CLMN: variants seen among roughly 807,000 people sequenced by gnomAD.
CLMN encodes the protein calmin (calponin-like, transmembrane).
A neutral mutation model predicts 92.7 loss-of-function variants in CLMN; 57 were observed. That is an observed-to-expected ratio of 0.61 (90% CI 0.50 to 0.77). The LOEUF (loss-of-function observed/expected upper bound fraction) is 0.77. CLMN is among the 30% of genes least tolerant of loss of function. CLMN has a pLI of 0.00. For synonymous variants in CLMN, 466 were observed against 470.6 expected, an observed-to-expected ratio of 0.99 and a Z score of 0.13; for missense variants, 1,158 against 1,237.5, an observed-to-expected ratio of 0.94 and a Z score of 0.96.
chr14:95,268,108 G>C (rs538024455), intron 1 of CLMN, among the ~76,000 whole-genome samples: 5 of 152,298 alleles, frequency 3.3e-5, no homozygotes, highest in South Asian at 2.1e-4. Context: ...CAATAGTTCA[G>C]TACAGTGACT....
rs982678733 is a variant in CLMN at position 95,256,232 on chromosome 14, G to C, written c.83-26099C>G. Among the ~76,000 whole-genome samples, 12 of 152,088 alleles carry C rather than the reference G, an allele frequency of 7.9e-5. No individual in the cohort carries two copies. Among genetic ancestry groups the C allele is most frequent in the African/African-American group, 2.9e-4 (12 of 41,386 alleles). ...AACCGAGGCCCGCCACCCACTCCTC[G>C]GCACCCAGTTGGGAAGGACTTCACA... On this transcript the variant is annotated intron_variant, in intron 1 of 12. Coordinates refer to ENST00000298912, the MANE Select transcript of CLMN (RefSeq NM_024734.4). This position sits in a 1 kb window ranked among gnomAD's most constrained non-coding sequence, Gnocchi z 4.9.
At position 95,204,012 on chromosome 14, in the gene CLMN, A is replaced by G. The variant is rs751769788; in HGVS notation, c.1337T>C (p.Phe446Ser). The change falls in exon 9 of 13, where the codon TTT becomes TCT. Residue 446 changes from phenylalanine to serine, a missense_variant. Transcript: ENST00000298912. ...CTTTGCCACTCTTGGGCTCCCTTCAAAGCAAAGGGACAGGTTCTTACTGCA... is the reference window on the plus strand; with the variant it reads ...CTTTGCCACTCTTGGGCTCCCTTCAGAGCAAAGGGACAGGTTCTTACTGCA... ...PFCSKNLSLC[F>S]EGSPRVAKES... 1.2e-6 allele frequency: 2 copies of G among 1,614,156 alleles called. No homozygotes were observed. Among genetic ancestry groups the G allele is most frequent in the South Asian group, 2.2e-5 (2 of 91,078 alleles).
rs1319234221 is a variant in CLMN at position 95,194,863 on chromosome 14, C to T, written c.2709-267G>A. Among the ~76,000 whole-genome samples the T allele has an allele frequency of 6.6e-6, 1 of 152,232 alleles. No homozygotes were observed. Among genetic ancestry groups the T allele is most frequent in the African/African-American group, 2.4e-5 (1 of 41,456 alleles). On this transcript the variant is annotated intron_variant, in intron 10 of 12. Transcript: ENST00000298912. This position sits in a 1 kb window ranked among gnomAD's most constrained non-coding sequence, Gnocchi z 4.0. Reference sequence around the variant, plus strand: ...AGGATTTTAAATAGAAAGCAAGGCACATATTCTTAAAAATCAAAGCATTTG... The same window carrying T: ...AGGATTTTAAATAGAAAGCAAGGCATATATTCTTAAAAATCAAAGCATTTG...
At chr14:95,246,553 C>A (rs965764348) in intron 1 of CLMN, among the ~76,000 whole-genome samples, 2 of 152,236 alleles carry the variant, frequency 1.3e-5, no homozygotes, top group Non-Finnish European at 2.9e-5. Context: ...ACTGCAAGCT[C>A]CACCTCCCGG....
chr14:95,315,582 G>A (rs1215125191), intron 1 of CLMN, among the ~76,000 whole-genome samples: 1 of 152,224 alleles, frequency 6.6e-6, no homozygotes, highest in Non-Finnish European at 1.5e-5. Context: ...TTCGGAAAAC[G>A]CAGGCCCTGC....
At chr14:95,265,258 C>T (rs1286241993) in intron 1 of CLMN, among the ~76,000 whole-genome samples, 3 of 151,836 alleles carry the variant, frequency 2.0e-5, no homozygotes, top group Admixed American at 6.6e-5. Flanking sequence ...AAAAAATCCC[C>T]AGCTGACTTT....
intron 6 of CLMN, 95 bp from the exon 7 acceptor site, chr14:95,210,974 T>A: frequency 1.5e-6 from 2 of 1,351,054 alleles, no homozygotes. Flanking sequence ...AGTTTTTGAG[T>A]GGGGCAGAGC....
In CLMN at chr14:95,204,022, A is replaced by G; in HGVS notation, c.1327T>C (p.Ser443Pro). ...CTTGGGCTCCCTTCAAAGCAAAGGG[A>G]CAGGTTCTTACTGCAGAAAGGATCC... ...YKDPFCSKNL[S>P]LCFEGSPRVA... is the part of the protein sequence containing the mutation. Residue 443 changes from serine (S) to proline (P), a missense_variant, in exon 9 of 13, where the codon TCC (serine) becomes CCC (proline). Ser to Pro is a moderately conservative substitution (Grantham distance 74, BLOSUM62 -1). Coordinates refer to ENST00000298912, the MANE Select transcript of CLMN (RefSeq NM_024734.4). The G allele has an allele frequency of 6.2e-7, 1 of 1,614,196 alleles. No homozygotes were observed. The highest frequency in any genetic ancestry group is 1.1e-5 in the South Asian group (1 of 91,076).
At chr14:95,318,510 A>C (rs536749547) in intron 1 of CLMN, among the ~76,000 whole-genome samples, 1 of 152,056 alleles carries the variant, frequency 6.6e-6, no homozygotes, top group African/African-American at 2.4e-5. Context: ...GAAACATTCA[A>C]TCAGGTGTAA....
chr14:95,315,127 G>A (rs531847842), intron 1 of CLMN, among the ~76,000 whole-genome samples: 3 of 152,264 alleles, frequency 2.0e-5, no homozygotes, highest in South Asian at 2.1e-4. Flanking sequence ...AAGATGGAGC[G>A]ATAAGGAACT....
At chr14:95,198,966 A>G (rs1381861853) in intron 9 of CLMN, 1 of 152,192 alleles carries the variant, frequency 6.6e-6, no homozygotes, top group African/African-American at 2.4e-5. Flanking sequence ...AGGCCATGGA[A>G]GCAAGTGGAG....
chr14:95,202,842 T>C lies in CLMN; in HGVS notation c.2507A>G (p.His836Arg). ...CCAAATCCCACGGTTGAGTACCTGA[T>C]GGCTGTCCATGGGGTCATTCTCTTT... ...ETKENDPMDSHQSQESPNLEN... is the reference protein window; with the variant it reads ...ETKENDPMDSRQSQESPNLEN... Residue 836 changes from histidine to arginine, a missense_variant, in exon 9 of 13, where the codon CAT becomes CGT. By Grantham distance (29) the His-to-Arg change is conservative. Coordinates refer to ENST00000298912, the MANE Select transcript of CLMN (RefSeq NM_024734.4). 6.6e-7 allele frequency: 1 copy of C among 1,526,408 alleles called. No individual in the cohort carries two copies. Among genetic ancestry groups the C allele is most frequent in the South Asian group, 1.3e-5 (1 of 76,048 alleles). 94.6% of individuals were successfully genotyped at this position (1,526,408 alleles called of 1,614,324 possible).
chr14:95,240,669 G>A (rs537762035), intron 1 of CLMN, among the ~76,000 whole-genome samples: 1 of 152,312 alleles, frequency 6.6e-6, no homozygotes. Flanking sequence ...GCTAAAGCCC[G>A]CCTTGACTAA....
At chr14:95,292,119 A>C (rs1003187258) in intron 1 of CLMN, among the ~76,000 whole-genome samples, 1 of 152,176 alleles carries the variant, frequency 6.6e-6, no homozygotes, top group African/African-American at 2.4e-5. Flanking sequence ...CATGGAGAGA[A>C]TTCAGCGGCT....
intron 1 of CLMN, among the ~76,000 whole-genome samples, chr14:95,283,993 C>G (rs1900241743): frequency 6.6e-6 from 1 of 152,212 alleles, no homozygotes; most frequent in African/African-American, 2.4e-5. Flanking sequence ...GGCAGCCCCT[C>G]CCATCACAGC....
chr14:95,284,500 A>T (rs556444012), intron 1 of CLMN, among the ~76,000 whole-genome samples: 169 of 152,268 alleles, frequency 1.1e-3, no homozygotes, highest in African/African-American at 3.9e-3. Flanking sequence ...CAACACCAGC[A>T]TGTGAAAACA....
Position 95,191,298 on chromosome 14 carries a change from G to A in CLMN, c.*266C>T. On this transcript the variant is annotated 3_prime_UTR_variant, in exon 13 of 13. Coordinates refer to ENST00000298912, the MANE Select transcript of CLMN (RefSeq NM_024734.4). The surrounding 1 kb of genome is among the most constrained non-coding windows in gnomAD (Gnocchi z 5.3). ...AATGCTCCCTATCCAACCCAGCAAG[G>A]CACACAAGGACAAAACCCCACCTAC... 1 of 294,456 alleles carries A rather than the reference G, an allele frequency of 3.4e-6. No individual in the cohort carries two copies. The highest frequency in any genetic ancestry group is 6.2e-6 in the Non-Finnish European group (1 of 160,610). 18.2% of individuals were successfully genotyped at this position (294,456 alleles called of 1,614,324 possible). A position where few individuals can be genotyped will look rare whatever the true frequency, so the allele number is the denominator to read the frequency against.
At chr14:95,295,952 C>T (rs1456226142) in intron 1 of CLMN, among the ~76,000 whole-genome samples, 3 of 152,258 alleles carry the variant, frequency 2.0e-5, no homozygotes, top group Admixed American at 1.3e-4. Context: ...TTGCTGAAAA[C>T]AACCCAAACT....
intron 1 of CLMN, among the ~76,000 whole-genome samples, chr14:95,273,120 T>A (rs186979203): frequency 1.6e-4 from 24 of 152,318 alleles, no homozygotes; most frequent in Non-Finnish European, 4.4e-5. Flanking sequence ...ACAGTGAGGA[T>A]GAGTCAGCCC....
Sources: allele counts gnomAD v4.1 joint callset (sites outside exome capture counted in the v4.1 genomes callset), GRCh38; gene constraint gnomAD v4.1.1; non-coding constraint Gnocchi (gnomAD v3.1); transcripts MANE v1.5; gene names NCBI Gene and HGNC (gene_info 2026-07-23, HGNC 2026-07-21).